Variants in ZMAT4 observed in about 807,000 individuals in gnomAD.
ZMAT4 encodes the protein zinc finger matrin-type 4, also known as zinc finger matrin-type protein 4.
ZMAT4 carries 17 observed loss-of-function variants against 28.7 expected under a neutral mutation model. The ratio of observed to expected loss-of-function variants is 0.59; its 90% CI spans 0.41 to 0.89. ZMAT4 has a LOEUF of 0.89. ZMAT4 is among the 40% of genes least tolerant of loss of function. ZMAT4 has a pLI of 0.00. For missense variants in ZMAT4, 240 were observed against 283.8 expected (o/e 0.85, Z 1.11); for synonymous variants, 117 against 109.2 (o/e 1.07, Z -0.44).
At chr8:40,845,133 C>T (rs541751134) in intron 1 of ZMAT4, among the ~76,000 whole-genome samples, 14 of 152,300 alleles carry the variant, frequency 9.2e-5, no homozygotes, top group East Asian at 1.9e-4. Context: ...CAATAAATAT[C>T]GCATCTACAG....
intron 3 of ZMAT4, among the ~76,000 whole-genome samples, chr8:40,758,020 C>G (rs1812766875): frequency 6.6e-6 from 1 of 152,162 alleles, no homozygotes; most frequent in South Asian, 2.1e-4. Flanking sequence ...CTTTGGGACT[C>G]CTGGACCTTC....
chr8:40,624,374 C>T (rs1176618185), intron 5 of ZMAT4, among the ~76,000 whole-genome samples: 1 of 152,164 alleles, frequency 6.6e-6, no homozygotes, highest in Admixed American at 6.5e-5. Flanking sequence ...ACCCTGATGG[C>T]ATGCTGATCT....
At chr8:40,546,399 T>C (rs1803203745) in intron 6 of ZMAT4, among the ~76,000 whole-genome samples, 1 of 151,862 alleles carries the variant, frequency 6.6e-6, no homozygotes, top group Admixed American at 6.6e-5. Context: ...TGTGACTGAG[T>C]GGGATTCGAG....
At chr8:40,876,630 T>C (rs1818051265) in intron 1 of ZMAT4, among the ~76,000 whole-genome samples, 1 of 152,224 alleles carries the variant, frequency 6.6e-6, no homozygotes, top group South Asian at 2.1e-4. Flanking sequence ...ATGATCTTCT[T>C]CATAGTATTT....
intron 6 of ZMAT4, among the ~76,000 whole-genome samples, chr8:40,545,500 A>C (rs1476375618): frequency 6.6e-6 from 1 of 152,208 alleles, no homozygotes; most frequent in African/African-American, 2.4e-5. Context: ...TAATCATTGT[A>C]GATATAATTA....
chr8:40,611,911 G>A (rs1025487824), intron 5 of ZMAT4, among the ~76,000 whole-genome samples: 1 of 152,154 alleles, frequency 6.6e-6, no homozygotes, highest in Non-Finnish European at 1.5e-5. Flanking sequence ...AAGATTTAGG[G>A]TCTGGAAACT....
intron 2 of ZMAT4, among the ~76,000 whole-genome samples, chr8:40,821,041 G>A (rs1430706211): frequency 6.6e-6 from 1 of 151,628 alleles, no homozygotes; most frequent in East Asian, 1.9e-4. Flanking sequence ...GTGTATGTAT[G>A]TGTGGGTGTG....
chr8:40,665,435 G>A (rs558996500), intron 5 of ZMAT4, among the ~76,000 whole-genome samples: 1 of 152,204 alleles, frequency 6.6e-6, no homozygotes, highest in Admixed American at 6.5e-5. Context: ...CATTCTAGGG[G>A]CCTCTCCAGC....
chr8:40,823,239 A>T (rs1008257036), intron 2 of ZMAT4, among the ~76,000 whole-genome samples: 1 of 152,164 alleles, frequency 6.6e-6, no homozygotes, highest in Non-Finnish European at 1.5e-5. Context: ...TCATGAATCT[A>T]GTAAGATGAT....
chr8:40,810,632 A>C (rs1815278557), intron 2 of ZMAT4, among the ~76,000 whole-genome samples: 1 of 152,210 alleles, frequency 6.6e-6, no homozygotes, highest in Admixed American at 6.5e-5. Flanking sequence ...ATTATAGTAT[A>C]CTTAATATTT....
chr8:40,570,464 C>T (rs1262480653), intron 6 of ZMAT4, among the ~76,000 whole-genome samples: 13 of 152,122 alleles, frequency 8.5e-5, no homozygotes, highest in South Asian at 2.1e-4. Context: ...TGTGGGAGGT[C>T]GAGGCAGGAG....
chr8:40,650,151 G>A (rs367768134), intron 5 of ZMAT4, among the ~76,000 whole-genome samples: 2 of 152,030 alleles, frequency 1.3e-5, no homozygotes, highest in Admixed American at 6.6e-5. Flanking sequence ...GTTTTTTGAA[G>A]GGATCAACTA....
intron 1 of ZMAT4, among the ~76,000 whole-genome samples, chr8:40,831,784 C>T (rs376652282): frequency 3.3e-5 from 5 of 152,298 alleles, no homozygotes; most frequent in Non-Finnish European, 5.9e-5. Context: ...TGCAAGCTCT[C>T]CAGTATCGGG....
chr8:40,690,170 G>T (rs1028423925), intron 4 of ZMAT4, among the ~76,000 whole-genome samples: 1 of 152,028 alleles, frequency 6.6e-6, no homozygotes, highest in African/African-American at 2.4e-5. Context: ...AATCCTACTC[G>T]CTGTAGGATA....
At chr8:40,607,917 C>T (rs35282753) in intron 5 of ZMAT4, among the ~76,000 whole-genome samples, 31,415 of 151,828 alleles carry the variant, frequency 0.21, 3,364 homozygotes, top group Middle Eastern at 0.26. Flanking sequence ...TACCAGCACC[C>T]GCTCCAGTGG....
chr8:40,718,832 G>A (rs1156513138), intron 3 of ZMAT4, among the ~76,000 whole-genome samples: 4 of 152,194 alleles, frequency 2.6e-5, no homozygotes, highest in African/African-American at 9.7e-5. Flanking sequence ...GACTTCCAAA[G>A]TGGAAGCAAT....
At chr8:40,680,533 T>C (rs1021880645) in intron 4 of ZMAT4, among the ~76,000 whole-genome samples, 6 of 152,036 alleles carry the variant, frequency 3.9e-5, no homozygotes, top group African/African-American at 9.7e-5. Flanking sequence ...GACCACCAGG[T>C]GGGCGTCATT....
intron 2 of ZMAT4, among the ~76,000 whole-genome samples, chr8:40,781,496 C>T (rs1346097559): frequency 3.3e-5 from 5 of 152,106 alleles, no homozygotes; most frequent in Admixed American, 3.3e-4. Context: ...GGCGCGGTGG[C>T]TCACGCCTGT....
intron 1 of ZMAT4, among the ~76,000 whole-genome samples, chr8:40,848,190 G>C (rs910675425): frequency 6.6e-6 from 1 of 152,182 alleles, no homozygotes; most frequent in African/African-American, 2.4e-5. Flanking sequence ...GGCTTCCAAT[G>C]GTGGAAAGTA....
Sources: gnomAD v4.1 joint callset for allele counts (sites outside exome capture counted in the v4.1 genomes callset) on GRCh38, gnomAD v4.1.1 for gene constraint, MANE v1.5 for transcripts, NCBI Gene and HGNC (gene_info 2026-07-23, HGNC 2026-07-21) for gene names.